The following PEBP4 variants were observed in gnomAD, a reference collection of about 807,000 sequenced individuals.
PEBP4 encodes the protein phosphatidylethanolamine binding protein 4.
In PEBP4, 22 loss-of-function variants were observed where a neutral mutation model predicts 23.9. The observed-to-expected ratio is 0.92, with a 90% CI of 0.66 to 1.31. The LOEUF (loss-of-function observed/expected upper bound fraction) is 1.31. Among genes scored for constraint, PEBP4 ranks in the 40% most tolerant of loss-of-function variants. PEBP4 has a pLI of 0.00. For synonymous variants in PEBP4, 112 were observed against 99.3 expected (o/e 1.13, Z -0.76); for missense variants, 324 against 281.7 (o/e 1.15, Z -1.07).
intron 3 of PEBP4, among the ~76,000 whole-genome samples, chr8:22,917,310 T>C (rs1450016953): frequency 6.6e-6 from 1 of 152,116 alleles, no homozygotes; most frequent in East Asian, 1.9e-4. Context: ...CCCCGCACCC[T>C]TTTCTTGAGG....
chr8:22,929,217 C>T (rs1809415115), upstream of PEBP4, among the ~76,000 whole-genome samples: 1 of 152,224 alleles, frequency 6.6e-6, no homozygotes, highest in African/African-American at 2.4e-5. Context: ...TCATTCATTC[C>T]TTTGCAACCC....
chr8:22,853,954 C>A (rs1381355295), intron 3 of PEBP4, among the ~76,000 whole-genome samples: 3 of 152,282 alleles, frequency 2.0e-5, no homozygotes, highest in African/African-American at 7.2e-5. Flanking sequence ...TTAGCAAGAA[C>A]AACAAACCTC....
intron 3 of PEBP4, among the ~76,000 whole-genome samples, chr8:22,913,223 T>A (rs1808985252): frequency 6.6e-6 from 1 of 152,100 alleles, no homozygotes; most frequent in Non-Finnish European, 1.5e-5. Context: ...CCTTACCCTG[T>A]CCTGACTTTA....
intron 4 of PEBP4, among the ~76,000 whole-genome samples, chr8:22,753,472 C>T (rs1474970371): frequency 3.9e-5 from 6 of 152,202 alleles, no homozygotes; most frequent in Non-Finnish European, 5.9e-5. Flanking sequence ...ATATAGCTGG[C>T]TCGAGTGAAG....
intron 4 of PEBP4, among the ~76,000 whole-genome samples, chr8:22,803,103 C>T (rs1465449891): frequency 6.6e-6 from 1 of 152,198 alleles, no homozygotes; most frequent in African/African-American, 2.4e-5. Context: ...CCTCTCCTCA[C>T]TCTCCTCCCA....
chr8:22,838,935 C>A (rs1297671524), intron 3 of PEBP4, among the ~76,000 whole-genome samples: 1 of 152,218 alleles, frequency 6.6e-6, no homozygotes, highest in East Asian at 1.9e-4. Context: ...ATTTCTATTA[C>A]TATTAACAGA....
intron 4 of PEBP4, among the ~76,000 whole-genome samples, chr8:22,754,208 A>G (rs1805328318): frequency 6.6e-6 from 1 of 152,190 alleles, no homozygotes; most frequent in East Asian, 1.9e-4. Flanking sequence ...TGGCCGCCCC[A>G]CCCACAGGGT....
rs79164236 is a variant in PEBP4, at chr8:22,805,759, T to C, written c.357+11878A>G. ...GTACTCTGCTCTCTTTTGCTATGAA[T>C]GTAAAATGCTTTAAAAAATAAAGTC... is the stretch of plus-strand genomic sequence containing the variant. On this transcript the variant is annotated intron_variant, in intron 4 of 6. Coordinates refer to ENST00000256404, the MANE Select transcript of PEBP4 (RefSeq NM_144962.3). Among the ~76,000 whole-genome samples, 1,102 of 152,084 alleles carry C rather than the reference T, an allele frequency of 7.2e-3. 11 individuals are homozygous for C. The highest frequency in any genetic ancestry group is 0.025 in the African/African-American group (1,036 of 41,460).
At chr8:22,807,806 T>A (rs570754162) in intron 4 of PEBP4, among the ~76,000 whole-genome samples, 2 of 152,038 alleles carry the variant, frequency 1.3e-5, no homozygotes, top group East Asian at 3.9e-4. Context: ...TCCATCCATT[T>A]ATCCATCCAT....
intron 3 of PEBP4, among the ~76,000 whole-genome samples, chr8:22,919,231 T>G (rs1177144114): frequency 2.6e-5 from 4 of 152,164 alleles, no homozygotes; most frequent in African/African-American, 7.2e-5. Context: ...GAACCCCTTG[T>G]GGCCCTTCCC....
At chr8:22,940,980 C>G (rs778911170) in intron 1 of PEBP4, among the ~76,000 whole-genome samples, 2 of 152,198 alleles carry the variant, frequency 1.3e-5, no homozygotes, top group South Asian at 4.2e-4. Flanking sequence ...GCCTGGAGAA[C>G]GAGGGGAGAA....
At chr8:22,830,147 T>C (rs199703570) in intron 3 of PEBP4, among the ~76,000 whole-genome samples, 5 of 80,944 alleles carry the variant, frequency 6.2e-5, no homozygotes, top group Admixed American at 2.3e-4. Context: ...GTGTGTGTGT[T>C]TTTACGGAGT....
chr8:22,928,920 G>A (rs1358506211), upstream of PEBP4, among the ~76,000 whole-genome samples: 1 of 152,164 alleles, frequency 6.6e-6, no homozygotes, highest in Non-Finnish European at 1.5e-5. Flanking sequence ...CTCAATTCCT[G>A]CCTCCAGGAT....
In PEBP4 at chr8:22,927,592, G is replaced by T. The variant is rs1256010436; in HGVS notation, c.123C>A (p.Leu41=). Residue 41 remains leucine (L), a synonymous_variant, in exon 2 of 7, where the codon CTC becomes CTA. Coordinates refer to ENST00000256404, the MANE Select transcript of PEBP4 (RefSeq NM_144962.3). ...AHEALLDEDT[L]FCQGLEVFYP... ...AGCCTGCCCTGACTTACTGGCAAAA[G>T]AGGGTGTCCTCGTCCAAGAGGGCCT... 13 of 1,610,424 alleles carry T rather than the reference G, an allele frequency of 8.1e-6. No individual in the cohort carries two copies. Among genetic ancestry groups the T allele is most frequent in the Non-Finnish European group, 1.0e-5 (12 of 1,178,440 alleles).
intron 1 of PEBP4, among the ~76,000 whole-genome samples, chr8:22,937,862 T>C (rs987475171): frequency 2.6e-5 from 4 of 152,102 alleles, no homozygotes; most frequent in Non-Finnish European, 5.9e-5. Context: ...AAAATGATTC[T>C]GGGACAAGTG....
At chr8:22,830,113 T>TTGTGTGTGTGTG (rs3060706) in intron 3 of PEBP4, among the ~76,000 whole-genome samples, 2,396 of 144,210 alleles carry the variant, frequency 0.017, 31 homozygotes, top group South Asian at 0.035. Flanking sequence ...GGCTGTGGTT[T>TTGTGTGTGTGTG]TGTGTGTGTG....
chr8:22,910,765 C>T (rs575922455), intron 3 of PEBP4, among the ~76,000 whole-genome samples: 16 of 152,182 alleles, frequency 1.1e-4, no homozygotes, highest in Non-Finnish European at 1.3e-4. Context: ...GGCAAAACTA[C>T]GGAGACAGCG....
Position 22,753,191 on chromosome 8 carries a change from C to G in PEBP4, c.358-25971G>C, listed in dbSNP as rs149027535. ...ATAGTCTCACTGTTAATAATTCCTGCCTTTAAGGAGTGTTCATTCCATGGG... is the reference window on the plus strand; with the variant it reads ...ATAGTCTCACTGTTAATAATTCCTGGCTTTAAGGAGTGTTCATTCCATGGG... On this transcript the variant is annotated intron_variant, in intron 4 of 6. Coordinates refer to ENST00000256404, the MANE Select transcript of PEBP4 (RefSeq NM_144962.3). Among the ~76,000 whole-genome samples, 507 of 152,272 alleles carry G rather than the reference C, an allele frequency of 3.3e-3. 2 individuals are homozygous for G. Among genetic ancestry groups the G allele is most frequent in the Middle Eastern group, 6.8e-3 (2 of 294 alleles).
At chr8:22,929,696 G>GTTCCA (rs1809425190), upstream of PEBP4, among the ~76,000 whole-genome samples, 1 of 152,180 alleles carries the variant, frequency 6.6e-6, no homozygotes, top group East Asian at 1.9e-4. Flanking sequence ...TGGAAACTGG[G>GTTCCA]TTGAGTCCAT....
Sources: gnomAD v4.1 joint callset for allele counts (sites outside exome capture counted in the v4.1 genomes callset) on GRCh38, gnomAD v4.1.1 for gene constraint, MANE v1.5 for transcripts, NCBI Gene and HGNC (gene_info 2026-07-23, HGNC 2026-07-21) for gene names.